DIS3L2: variants seen among roughly 807,000 people sequenced by gnomAD.
The protein encoded by DIS3L2 is DIS3 like 3'-5' exoribonuclease 2.
In DIS3L2, 34 loss-of-function variants were observed where a neutral mutation model predicts 97.5. The ratio of observed to expected loss-of-function variants is 0.35; its 90% CI spans 0.27 to 0.46. DIS3L2 has a LOEUF of 0.46. DIS3L2 is among the 20% of genes least tolerant of loss of function. The pLI is 1.00. For synonymous variants in DIS3L2, 435 were observed against 445.2 expected, an observed-to-expected ratio of 0.98 and a Z score of 0.29; for missense variants, 1,038 against 1,146.0, an observed-to-expected ratio of 0.91 and a Z score of 1.36.
At chr2:232,047,420 ACT>A (rs1695272471) in intron 5 of DIS3L2, among the ~76,000 whole-genome samples, 1 of 152,224 alleles carries the variant, frequency 6.6e-6, no homozygotes, top group South Asian at 2.1e-4. Context: ...AGAAAGATGA[ACT>A]GTTTTTTAAT....
chr2:232,324,767 G>A (rs574570226), intron 14 of DIS3L2, among the ~76,000 whole-genome samples: 13 of 152,194 alleles, frequency 8.5e-5, no homozygotes, highest in Non-Finnish European at 1.8e-4. Flanking sequence ...TAATAATAAT[G>A]TCTTATTTAT....
chr2:232,330,453 C>T (rs577443320), intron 15 of DIS3L2, among the ~76,000 whole-genome samples: 30 of 152,290 alleles, frequency 2.0e-4, no homozygotes, highest in Middle Eastern at 3.4e-3. Flanking sequence ...GCAGGTGCCC[C>T]AGGCCAGAGA....
chr2:231,971,648 G>A lies in DIS3L2; in HGVS notation c.-94+9883G>A, dbSNP rs555148561. Among the ~76,000 whole-genome samples the A allele has an allele frequency of 1.2e-3, 181 of 152,060 alleles. 2 individuals are homozygous for A. The highest frequency in any genetic ancestry group is 5.4e-4 in the Non-Finnish European group (37 of 67,950). On this transcript the variant is annotated intron_variant, in intron 1 of 20. Transcript: ENST00000325385. ...ATTTTTAGTAGAGACGGGTTTCACC[G>A]TGTTAGCCAGGATGGTCTCGATCTC...
chr2:232,128,567 A>G (rs1698134669), intron 6 of DIS3L2, among the ~76,000 whole-genome samples: 1 of 135,098 alleles, frequency 7.4e-6, no homozygotes, highest in Admixed American at 9.1e-5. Flanking sequence ...TGATCTTCCC[A>G]CCTCAGCCTC....
At chr2:232,264,218 TACTC>T (rs1323091373) in intron 13 of DIS3L2, among the ~76,000 whole-genome samples, 4 of 152,234 alleles carry the variant, frequency 2.6e-5, no homozygotes, top group African/African-American at 4.8e-5. Flanking sequence ...CAGGTGGTCA[TACTC>T]ACTCACTGCT....
At chr2:232,272,484 C>G (rs554443611) in intron 13 of DIS3L2, among the ~76,000 whole-genome samples, 1 of 152,080 alleles carries the variant, frequency 6.6e-6, no homozygotes, top group Non-Finnish European at 1.5e-5. Context: ...AGGGTGAAGC[C>G]GTGAGCCACA....
intron 5 of DIS3L2, among the ~76,000 whole-genome samples, chr2:232,086,085 CTG>C (rs1192111965): frequency 2.0e-5 from 3 of 152,094 alleles, no homozygotes; most frequent in Non-Finnish European, 2.9e-5. Context: ...GTGTGAGTCA[CTG>C]TGCCTGGCCT....
At chr2:231,973,489 A>C (rs1185575815) in intron 1 of DIS3L2, among the ~76,000 whole-genome samples, 3 of 152,242 alleles carry the variant, frequency 2.0e-5, no homozygotes, top group Non-Finnish European at 4.4e-5. Context: ...CAGTAATAAA[A>C]TATGGGAAGA....
At position 232,081,854 on chromosome 2, in the gene DIS3L2, G is replaced by A. The variant is rs141319715; in HGVS notation, c.367-5633G>A. 8.3e-3 allele frequency among the ~76,000 whole-genome samples: 1,267 copies of A among 152,262 alleles called. 12 individuals carry two copies. Among genetic ancestry groups the A allele is most frequent in the Middle Eastern group, 0.017 (5 of 294 alleles). ...GCCTAGGCTGAAGTGCAGTGGTGCA[G>A]TCTTGGCTCACTGCAACTTTTGCCT... On this transcript the variant is annotated intron_variant, in intron 5 of 20. Coordinates refer to ENST00000325385, the MANE Select transcript of DIS3L2 (RefSeq NM_152383.5).
At chr2:232,117,156 A>G (rs999813177) in intron 6 of DIS3L2, among the ~76,000 whole-genome samples, 3 of 152,160 alleles carry the variant, frequency 2.0e-5, no homozygotes, top group East Asian at 1.9e-4. Context: ...TCTTCCAGGT[A>G]TGAATATGCT....
chr2:232,139,047 G>C (rs990101944), intron 8 of DIS3L2, among the ~76,000 whole-genome samples: 56 of 152,252 alleles, frequency 3.7e-4, no homozygotes, highest in African/African-American at 1.3e-3. Flanking sequence ...AATGCAAAAG[G>C]ATTTTTGCAT....
At chr2:232,071,415 G>A (rs1425335926) in intron 5 of DIS3L2, among the ~76,000 whole-genome samples, 6 of 152,066 alleles carry the variant, frequency 3.9e-5, no homozygotes, top group South Asian at 2.1e-4. Flanking sequence ...CCAGCTGTTC[G>A]GGAGGCTGAG....
In DIS3L2 at chr2:232,037,274, G is replaced by C. The variant is rs529699777; in HGVS notation, c.366+7194G>C. Among the ~76,000 whole-genome samples the C allele has an allele frequency of 1.8e-4, 27 of 152,334 alleles. No homozygotes were observed. Among genetic ancestry groups the C allele is most frequent in the African/African-American group, 5.1e-4 (21 of 41,576 alleles). On this transcript the variant is annotated intron_variant, in intron 5 of 20. Coordinates refer to ENST00000325385, the MANE Select transcript of DIS3L2 (RefSeq NM_152383.5). This position sits in a 1 kb window ranked among gnomAD's most constrained non-coding sequence, Gnocchi z 4.6. Reference sequence around the variant, plus strand: ...CTAGAGAGGTAGTCTGGCTACAGGGGCTTTGCGGTGCTGTGGTGGGCTCCG... The same window carrying C: ...CTAGAGAGGTAGTCTGGCTACAGGGCCTTTGCGGTGCTGTGGTGGGCTCCG...
chr2:232,330,405 G>A (rs1695700904), intron 15 of DIS3L2, among the ~76,000 whole-genome samples: 1 of 152,168 alleles, frequency 6.6e-6, no homozygotes, highest in Non-Finnish European at 1.5e-5. Context: ...CCTGGAGGAG[G>A]GAGACATCTC....
chr2:232,017,451 T>C (rs1266766284), intron 3 of DIS3L2, among the ~76,000 whole-genome samples: 1 of 152,178 alleles, frequency 6.6e-6, no homozygotes, highest in East Asian at 1.9e-4. Context: ...TGACAAGGCC[T>C]CTCTTAGGAG....
intron 5 of DIS3L2, among the ~76,000 whole-genome samples, chr2:232,051,835 AAAAAG>A (rs1559575949): frequency 6.7e-6 from 1 of 149,976 alleles, no homozygotes; most frequent in Non-Finnish European, 1.5e-5. Flanking sequence ...AAAAAAAAAA[AAAAAG>A]AACTAGCTTT....
chr2:232,056,261 C>T (rs1695547607), intron 5 of DIS3L2, among the ~76,000 whole-genome samples: 1 of 152,020 alleles, frequency 6.6e-6, no homozygotes, highest in Admixed American at 6.6e-5. Flanking sequence ...GTCACAGCTA[C>T]TCAGGAGGCT....
At position 232,030,053 on chromosome 2, in the gene DIS3L2, G is replaced by A. The variant is rs1211968488; in HGVS notation, c.339G>A (p.Val113=). 2 of 1,611,224 alleles carry A rather than the reference G, an allele frequency of 1.2e-6. No homozygotes were observed. The highest frequency in any genetic ancestry group is 1.7e-6 in the Non-Finnish European group (2 of 1,178,888). Residue 113 remains valine, a synonymous_variant, in exon 5 of 21, where the codon GTG becomes GTA. Transcript: ENST00000325385. ...NRALNGDLVV[V]KLLPEEHWKV... The stretch of plus-strand genomic sequence containing the variant: ...CCTTAAATGGGGATCTGGTGGTCGT[G>A]AAACTGCTTCCCGAGGAGCATTGGA...
intron 1 of DIS3L2, among the ~76,000 whole-genome samples, chr2:231,974,038 A>T (rs1317182430): frequency 5.3e-5 from 8 of 152,054 alleles, no homozygotes; most frequent in African/African-American, 1.9e-4. Context: ...TTCCTAATAC[A>T]GTTAAAAAAA....
Sources: gnomAD v4.1 joint callset for allele counts (sites outside exome capture counted in the v4.1 genomes callset) on GRCh38, gnomAD v4.1.1 for gene constraint, Gnocchi (gnomAD v3.1) non-coding constraint, MANE v1.5 for transcripts, NCBI Gene and HGNC (gene_info 2026-07-23, HGNC 2026-07-21) for gene names.